TRPM3: variants seen among roughly 807,000 people sequenced by gnomAD.
TRPM3 encodes the protein long transient receptor potential channel 3.
In TRPM3, 77 loss-of-function variants were observed where a neutral mutation model predicts 181.2. The ratio of observed to expected loss-of-function variants is 0.42; its 90% CI spans 0.35 to 0.51. The LOEUF is 0.51. Among genes scored for constraint, TRPM3 ranks in the 20% least tolerant of loss-of-function variants. The pLI is 0.01. For synonymous variants in TRPM3, 745 were observed against 796.4 expected, an observed-to-expected ratio of 0.94 and a Z score of 1.09; for missense variants, 1,759 against 2,196.7, an observed-to-expected ratio of 0.80 and a Z score of 3.98.
intron 1 of TRPM3, among the ~76,000 whole-genome samples, chr9:70,878,507 G>T (rs765557738): frequency 6.6e-6 from 1 of 151,962 alleles, no homozygotes; most frequent in African/African-American, 2.4e-5. Flanking sequence ...CTGTTTTTAC[G>T]TTTATGCTGT....
At chr9:71,298,942 T>C (rs2086538148) in intron 1 of TRPM3, among the ~76,000 whole-genome samples, 1 of 152,192 alleles carries the variant, frequency 6.6e-6, no homozygotes, top group Admixed American at 6.6e-5. Flanking sequence ...CAACTCTGTA[T>C]TTTATTCCTC....
chr9:71,342,275 A>C (rs926253974), intron 1 of TRPM3, among the ~76,000 whole-genome samples: 1 of 145,698 alleles, frequency 6.9e-6, no homozygotes, highest in Non-Finnish European at 1.5e-5. Flanking sequence ...TATATAAATA[A>C]ATATATATGC....
At chr9:70,869,768 C>A (rs901000683) in intron 1 of TRPM3, among the ~76,000 whole-genome samples, 1 of 151,948 alleles carries the variant, frequency 6.6e-6, no homozygotes, top group Non-Finnish European at 1.5e-5. Context: ...TGAGCTGTGA[C>A]CACGGTGGCC....
intron 1 of TRPM3, among the ~76,000 whole-genome samples, chr9:71,195,976 C>T (rs2131692280): frequency 6.6e-6 from 1 of 151,812 alleles, no homozygotes; most frequent in South Asian, 2.1e-4. Flanking sequence ...GAGGAGCCAC[C>T]CTTTGGAGGA....
intron 25 of TRPM3, among the ~76,000 whole-genome samples, chr9:70,544,745 A>G (rs2044404808): frequency 6.6e-6 from 1 of 152,068 alleles, no homozygotes; most frequent in African/African-American, 2.4e-5. Flanking sequence ...ATAATGATCT[A>G]AAGGGGGGAA....
chr9:70,950,686 A>G (rs527788077), intron 1 of TRPM3, among the ~76,000 whole-genome samples: 2 of 152,296 alleles, frequency 1.3e-5, no homozygotes, highest in Admixed American at 1.3e-4. Context: ...GAAAACCAAC[A>G]TTAGAAACTA....
chr9:70,946,594 T>TA (rs1195161930), intron 1 of TRPM3, among the ~76,000 whole-genome samples: 2 of 152,148 alleles, frequency 1.3e-5, no homozygotes, highest in Non-Finnish European at 2.9e-5. Flanking sequence ...CAGGACTTTT[T>TA]AAAGCTTTTA....
intron 1 of TRPM3, among the ~76,000 whole-genome samples, chr9:71,146,727 T>C (rs759276218): frequency 1.3e-5 from 2 of 152,160 alleles, no homozygotes; most frequent in Non-Finnish European, 2.9e-5. Context: ...GCAACACCCA[T>C]GACCACAGCA....
chr9:70,681,452 C>T (rs2065414068), intron 9 of TRPM3, 54 bp downstream of exon 9: 5 of 1,424,176 alleles, frequency 3.5e-6, no homozygotes, highest in Non-Finnish European at 5.0e-6. Context: ...CATAAGGTCA[C>T]TGTATTAATT....
At chr9:71,082,406 A>C (rs1256182136) in intron 1 of TRPM3, among the ~76,000 whole-genome samples, 1 of 152,116 alleles carries the variant, frequency 6.6e-6, no homozygotes, top group Non-Finnish European at 1.5e-5. Flanking sequence ...ACTGTTCTGT[A>C]ATGTCTTCTC....
At chr9:71,187,566 T>G (rs1350011200) in intron 1 of TRPM3, among the ~76,000 whole-genome samples, 4 of 151,920 alleles carry the variant, frequency 2.6e-5, no homozygotes, top group Non-Finnish European at 5.9e-5. Context: ...TTAACAAAAC[T>G]GGAAAACAAA....
At chr9:70,988,219 G>T (rs140159537) in intron 1 of TRPM3, among the ~76,000 whole-genome samples, 3 of 152,120 alleles carry the variant, frequency 2.0e-5, no homozygotes, top group Admixed American at 1.3e-4. Flanking sequence ...AGAAATGAAC[G>T]CAAAGCTTGC....
chr9:71,168,632 T>G (rs2076677510), intron 1 of TRPM3, among the ~76,000 whole-genome samples: 1 of 144,998 alleles, frequency 6.9e-6, no homozygotes, highest in African/African-American at 2.5e-5. Flanking sequence ...TATTTTTTTA[T>G]TATTTTTTAT....
intron 1 of TRPM3, among the ~76,000 whole-genome samples, chr9:71,263,045 A>G (rs2083168911): frequency 6.6e-6 from 1 of 152,192 alleles, no homozygotes; most frequent in Admixed American, 6.6e-5. Flanking sequence ...GCATTCACAA[A>G]CATGACGATG....
At chr9:71,188,003 A>G (rs1265573759) in intron 1 of TRPM3, among the ~76,000 whole-genome samples, 1 of 151,912 alleles carries the variant, frequency 6.6e-6, no homozygotes, top group East Asian at 1.9e-4. Context: ...TAACTATATC[A>G]TAATTTATCA....
chr9:71,254,640 G>T (rs2082564368), intron 1 of TRPM3, among the ~76,000 whole-genome samples: 1 of 151,966 alleles, frequency 6.6e-6, no homozygotes, highest in African/African-American at 2.4e-5. Context: ...TTTTAAAAAA[G>T]AAATCACTTC....
At chr9:70,637,962 G>A (rs2057477193) in intron 11 of TRPM3, among the ~76,000 whole-genome samples, 1 of 152,078 alleles carries the variant, frequency 6.6e-6, no homozygotes, top group Non-Finnish European at 1.5e-5. Context: ...CCTGTGTAAT[G>A]AACCTGCACG....
intron 1 of TRPM3, among the ~76,000 whole-genome samples, chr9:71,296,254 A>G (rs372004700): frequency 2.5e-4 from 38 of 152,288 alleles, no homozygotes; most frequent in African/African-American, 7.5e-4. Flanking sequence ...TTATTATTCT[A>G]GATGCCTGTG....
intron 22 of TRPM3, among the ~76,000 whole-genome samples, chr9:70,581,400 A>G (rs1299267871): frequency 6.6e-6 from 1 of 152,266 alleles, no homozygotes; most frequent in Non-Finnish European, 1.5e-5. Flanking sequence ...TCTGATATCT[A>G]GCCGCAGGAA....
Sources: gnomAD v4.1 joint callset for allele counts (sites outside exome capture counted in the v4.1 genomes callset) on GRCh38, gnomAD v4.1.1 for gene constraint, MANE v1.5 for transcripts, NCBI Gene and HGNC (gene_info 2026-07-23, HGNC 2026-07-21) for gene names.